ZNF573: variants seen among roughly 807,000 people sequenced by gnomAD.
The protein encoded by ZNF573 is zinc finger protein 573.
In ZNF573, 41 loss-of-function variants were observed where a neutral mutation model predicts 57.4. That is an observed-to-expected ratio of 0.71 (90% CI 0.56 to 0.93). ZNF573 has a LOEUF of 0.93. ZNF573 is among the 40% of genes least tolerant of loss of function. The pLI is 0.00. For missense variants in ZNF573, 730 were observed against 794.8 expected (o/e 0.92, Z 0.98); for synonymous variants, 249 against 261.0 (o/e 0.95, Z 0.44).
intron 4 of ZNF573, among the ~76,000 whole-genome samples, chr19:37,750,286 T>C (rs1329097542): frequency 6.6e-6 from 1 of 152,110 alleles, no homozygotes; most frequent in Non-Finnish European, 1.5e-5. Context: ...TTTCACCATG[T>C]TAGCCAGACT....
At chr19:37,766,953 C>T (rs1175332861) in intron 4 of ZNF573, among the ~76,000 whole-genome samples, 5 of 152,182 alleles carry the variant, frequency 3.3e-5, no homozygotes, top group African/African-American at 1.2e-4. Flanking sequence ...GCCAAGTTAA[C>T]TATGGGAGTA....
chr19:37,773,770 T>C lies in ZNF573; in HGVS notation c.-22-19A>G. The C allele has an allele frequency of 7.0e-7, 1 of 1,421,662 alleles. No individual in the cohort carries two copies. Among genetic ancestry groups the C allele is most frequent in the East Asian group, 2.5e-5 (1 of 40,318 alleles). 88.1% of individuals were successfully genotyped at this position (1,421,662 alleles called of 1,614,324 possible). On this transcript the variant is annotated intron_variant, in intron 1 of 4. Transcript: ENST00000536220. ...TCCAGAGCTGAGAGAAGAAAAGAGATGTTAGTGTTCCCAATATGACTTAAT... is the reference window on the plus strand; with the variant it reads ...TCCAGAGCTGAGAGAAGAAAAGAGACGTTAGTGTTCCCAATATGACTTAAT...
intron 4 of ZNF573, among the ~76,000 whole-genome samples, chr19:37,744,001 G>A (rs921622077): frequency 2.0e-5 from 3 of 152,086 alleles, no homozygotes; most frequent in African/African-American, 7.2e-5. Flanking sequence ...TGGGAGGTGA[G>A]GGGAGGGAAC....
At chr19:37,762,018 A>G (rs1258052136) in intron 4 of ZNF573, among the ~76,000 whole-genome samples, 1 of 152,238 alleles carries the variant, frequency 6.6e-6, no homozygotes, top group East Asian at 1.9e-4. Context: ...CCTAAGGCAC[A>G]AATTCTTATT....
At chr19:37,752,413 T>C (rs2045446864) in intron 4 of ZNF573, among the ~76,000 whole-genome samples, 1 of 152,286 alleles carries the variant, frequency 6.6e-6, no homozygotes. Flanking sequence ...TAGAATATTA[T>C]TCAGCCATAA....
intron 4 of ZNF573, among the ~76,000 whole-genome samples, chr19:37,757,224 T>C (rs1295957623): frequency 2.0e-5 from 3 of 151,858 alleles, no homozygotes; most frequent in Admixed American, 6.6e-5. Context: ...TGAGACAGAG[T>C]CTCACTCTGT....
chr19:37,743,947 A>G (rs572796414), intron 4 of ZNF573, among the ~76,000 whole-genome samples: 30 of 152,276 alleles, frequency 2.0e-4, no homozygotes, highest in African/African-American at 5.8e-4. Flanking sequence ...ATGAGAACTC[A>G]TGGACACAGA....
At chr19:37,754,461 A>G (rs984639142) in intron 4 of ZNF573, among the ~76,000 whole-genome samples, 1 of 150,746 alleles carries the variant, frequency 6.6e-6, no homozygotes, top group Non-Finnish European at 1.5e-5. Context: ...CAGAGGTTGC[A>G]GTGAGCCAAG....
chr19:37,740,729 G>T, intron 4 of ZNF573: 1 of 385,778 alleles, frequency 2.6e-6, no homozygotes, highest in Non-Finnish European at 5.1e-6. Context: ...TAGTACAATT[G>T]CCCCTTGGTA....
At chr19:37,763,381 G>A (rs1160903468) in intron 4 of ZNF573, among the ~76,000 whole-genome samples, 1 of 149,980 alleles carries the variant, frequency 6.7e-6, no homozygotes, top group Non-Finnish European at 1.5e-5. Context: ...TCAGGAGTTC[G>A]AGACCACCCT....
intron 4 of ZNF573, among the ~76,000 whole-genome samples, chr19:37,750,409 A>ATTTGC (rs2045422301): frequency 1.3e-5 from 2 of 152,144 alleles, no homozygotes; most frequent in African/African-American, 4.8e-5. Context: ...GGATAATGAA[A>ATTTGC]AACAAAATTG....
chr19:37,740,627 G>C (rs2045318691), intron 4 of ZNF573: 1 of 455,578 alleles, frequency 2.2e-6, no homozygotes, highest in South Asian at 1.6e-5. Flanking sequence ...CCCTTTCCAA[G>C]GACTGCTGCT....
At chr19:37,777,941 C>G (rs1431230341) in intron 1 of ZNF573, among the ~76,000 whole-genome samples, 1 of 146,868 alleles carries the variant, frequency 6.8e-6, no homozygotes, top group African/African-American at 2.5e-5. Flanking sequence ...GGAGAATGGC[C>G]TGAACCCGGG....
At chr19:37,770,332 C>T (rs1568424005) in intron 3 of ZNF573, 1 of 387,316 alleles carries the variant, frequency 2.6e-6, no homozygotes, top group Non-Finnish European at 4.6e-6. Flanking sequence ...CCAAATATTA[C>T]CACCCCAAAG....
chr19:37,773,813 C>T lies in ZNF573; in HGVS notation c.-22-62G>A, dbSNP rs186670325. ...GACTTAATTTAATAAAATCTTTCTG[C>T]TCCTCTATTTCTCCTTCCAAATTAA... On this transcript the variant is annotated intron_variant, in intron 1 of 4. Transcript: ENST00000536220. 553 of 1,031,510 alleles carry T rather than the reference C, an allele frequency of 5.4e-4. 3 individuals are homozygous for T. The African/African-American group carries it at 7.7e-3, about 14-fold the overall frequency. 63.9% of individuals were successfully genotyped at this position (1,031,510 alleles called of 1,614,324 possible). A position where few individuals can be genotyped will look rare whatever the true frequency, so the allele number is the denominator to read the frequency against.
chr19:37,766,971 T>C (rs2045606816), intron 4 of ZNF573, among the ~76,000 whole-genome samples: 2 of 152,234 alleles, frequency 1.3e-5, no homozygotes, highest in African/African-American at 4.8e-5. Flanking sequence ...GTATTTAATT[T>C]ATACTATAAC....
chr19:37,771,689 T>C lies in ZNF573; in HGVS notation c.77A>G (p.Glu26Gly), dbSNP rs746133437. ...GGCCACATCCCTGAATGTCACTAAT[T>C]CCTGAAACTGCAAACCCATGCATTA... ...YNSKTMTCFQ[E>G]LVTFRDVAID... is the part of the protein sequence containing the mutation. Residue 26 changes from glutamate (E) to glycine (G), a missense_variant, in exon 3 of 5, where the codon GAA (glutamate) becomes GGA (glycine). Physicochemically the swap from Glu to Gly is moderately conservative, Grantham distance 98. Coordinates refer to ENST00000536220, the MANE Select transcript of ZNF573 (RefSeq NM_001172690.2). The C allele has an allele frequency of 3.8e-6, 6 of 1,592,786 alleles. No homozygotes were observed. In the South Asian group the frequency reaches 6.9e-5, roughly 18 times the overall value.
intron 4 of ZNF573, among the ~76,000 whole-genome samples, chr19:37,752,443 ACCT>A (rs998881120): frequency 2.4e-4 from 36 of 152,290 alleles, no homozygotes; most frequent in African/African-American, 8.7e-4. Flanking sequence ...GAGTATTGAT[ACCT>A]CCTATTATAT....
At chr19:37,740,351 G>A in intron 4 of ZNF573, 157 bp from the exon 5 acceptor site, 1 of 648,146 alleles carries the variant, frequency 1.5e-6, no homozygotes, top group Middle Eastern at 4.3e-4. Flanking sequence ...AAAGAGTTCA[G>A]AGACGTATGA....
Sources: allele counts gnomAD v4.1 joint callset (sites outside exome capture counted in the v4.1 genomes callset), GRCh38; gene constraint gnomAD v4.1.1; transcripts MANE v1.5; gene names NCBI Gene and HGNC (gene_info 2026-07-23, HGNC 2026-07-21).